LSAMP: variants seen among roughly 807,000 people sequenced by gnomAD.
LSAMP encodes limbic system associated membrane protein, also known as limbic system-associated membrane protein.
Under a neutral mutation model 38.6 loss-of-function variants are expected in LSAMP, and 7 were observed. That is an observed-to-expected ratio of 0.18 (90% CI 0.10 to 0.34). LSAMP has a LOEUF of 0.34. Among genes scored for constraint, LSAMP ranks in the 10% least tolerant of loss-of-function variants. The probability of loss-of-function intolerance (pLI) is 1.00; values close to 1 mark genes in which losing one functional copy is unlikely to be tolerated. For synonymous variants in LSAMP, 154 were observed against 166.8 expected, an observed-to-expected ratio of 0.92 and a Z score of 0.59; for missense variants, 313 against 420.0, an observed-to-expected ratio of 0.75 and a Z score of 2.23.
intron 4 of LSAMP, among the ~76,000 whole-genome samples, chr3:115,851,878 C>T (rs768087096): frequency 7.2e-5 from 11 of 152,230 alleles, no homozygotes; most frequent in East Asian, 1.9e-4. Context: ...TCCTTTCATC[C>T]GAGAAGTTCA....
intron 6 of LSAMP, chr3:115,834,415 C>T (rs1934715727): frequency 1.7e-6 from 1 of 574,806 alleles, no homozygotes; most frequent in Non-Finnish European, 2.9e-6. Flanking sequence ...AACTAATTGG[C>T]TTTTTAAAAA....
intron 2 of LSAMP, among the ~76,000 whole-genome samples, chr3:116,047,847 T>C (rs1379472825): frequency 6.6e-6 from 1 of 152,268 alleles, no homozygotes; most frequent in Non-Finnish European, 1.5e-5. Context: ...TAAATCTAGC[T>C]AATTAAAAAT....
chr3:116,328,080 G>A (rs191671259), intron 1 of LSAMP, among the ~76,000 whole-genome samples: 2 of 152,246 alleles, frequency 1.3e-5, no homozygotes, highest in East Asian at 3.9e-4. Flanking sequence ...GAGCCCCGAA[G>A]TGTTTAGGCC....
At chr3:116,097,740 T>A (rs1032105161) in intron 1 of LSAMP, among the ~76,000 whole-genome samples, 1 of 152,040 alleles carries the variant, frequency 6.6e-6, no homozygotes, top group Non-Finnish European at 1.5e-5. Context: ...GAAGTCTTTT[T>A]TTTTTTTTCT....
chr3:116,075,913 T>A (rs1307684687), intron 2 of LSAMP, among the ~76,000 whole-genome samples: 1 of 152,210 alleles, frequency 6.6e-6, no homozygotes, highest in African/African-American at 2.4e-5. Flanking sequence ...CATTTACTTT[T>A]ATGCTAAGAC....
rs79357967 is a variant in LSAMP at position 116,182,973 on chromosome 3, C to T, written c.156-96417G>A. On this transcript the variant is annotated intron_variant, in intron 1 of 6. Coordinates refer to ENST00000490035, the MANE Select transcript of LSAMP (RefSeq NM_002338.5). ...TGGAGTTGAAGCTTAGGTCTAATTG[C>T]TGGTCTCTGTTTACACCTGCATAAC... Among the ~76,000 whole-genome samples the T allele has an allele frequency of 1.6e-3, 247 of 151,952 alleles. 1 individual carries two copies. The highest frequency in any genetic ancestry group is 5.3e-3 in the African/African-American group (220 of 41,526).
At chr3:116,336,976 A>G (rs2047928131) in intron 1 of LSAMP, among the ~76,000 whole-genome samples, 1 of 151,696 alleles carries the variant, frequency 6.6e-6, no homozygotes, top group Non-Finnish European at 1.5e-5. Context: ...GTGTGTGTGT[A>G]ATGGATATTA....
At chr3:116,369,745 G>A (rs1236060513) in intron 1 of LSAMP, 1 of 152,410 alleles carries the variant, frequency 6.6e-6, no homozygotes, top group African/African-American at 2.4e-5. Context: ...AACCATACAT[G>A]GAGCTAAGTT....
rs183448672 is a variant in LSAMP at position 115,845,642 on chromosome 3, C to T, written c.650-3064G>A. Among the ~76,000 whole-genome samples the T allele has an allele frequency of 4.6e-5, 7 of 152,294 alleles. No homozygotes were observed. The East Asian group carries it at 1.4e-3, about 29-fold the overall frequency. ...TCTGCTTTCATGTGGGCAGGCCCGT[C>T]CCACCCCAGGGTTGCCATGCATGAC... On this transcript the variant is annotated intron_variant, in intron 4 of 6. Coordinates refer to ENST00000490035, the MANE Select transcript of LSAMP (RefSeq NM_002338.5).
At chr3:115,983,088 C>T (rs1026702676) in intron 3 of LSAMP, among the ~76,000 whole-genome samples, 5 of 152,060 alleles carry the variant, frequency 3.3e-5, no homozygotes, top group African/African-American at 1.2e-4. Flanking sequence ...AATATAGCAA[C>T]AATAACAACA....
At chr3:116,075,177 G>A (rs1253495382) in intron 2 of LSAMP, among the ~76,000 whole-genome samples, 1 of 133,086 alleles carries the variant, frequency 7.5e-6, no homozygotes, top group East Asian at 2.2e-4. Context: ...TTGCTCTGTT[G>A]CCCAGGCTGG....
intron 1 of LSAMP, among the ~76,000 whole-genome samples, chr3:116,156,849 G>A (rs1241491443): frequency 2.6e-5 from 4 of 152,130 alleles, no homozygotes; most frequent in South Asian, 2.1e-4. Context: ...AGAAAAATGT[G>A]TCGTGTGAAA....
chr3:115,849,537 A>G (rs1195589968), intron 4 of LSAMP, among the ~76,000 whole-genome samples: 1 of 152,028 alleles, frequency 6.6e-6, no homozygotes, highest in African/African-American at 2.4e-5. Flanking sequence ...CTATTTGGCC[A>G]GTAGTTATCT....
chr3:116,115,401 A>T (rs1708718800), intron 1 of LSAMP, among the ~76,000 whole-genome samples: 1 of 152,182 alleles, frequency 6.6e-6, no homozygotes, highest in Admixed American at 6.5e-5. Context: ...TTGCTCAAGG[A>T]ATTCTAGTCA....
intron 1 of LSAMP, among the ~76,000 whole-genome samples, chr3:116,155,990 T>C (rs1709738738): frequency 6.6e-6 from 1 of 152,124 alleles, no homozygotes; most frequent in Non-Finnish European, 1.5e-5. Flanking sequence ...TTCAGGAACA[T>C]GTGGCAGGGC....
In LSAMP at chr3:116,103,464, C is replaced by CAA. The variant is rs59732794; in HGVS notation, c.156-16910_156-16909dup. 3.4e-3 allele frequency among the ~76,000 whole-genome samples: 144 copies of CAA among 42,388 alleles called. 1 individual carries two copies. The highest frequency in any genetic ancestry group is 5.1e-3 in the African/African-American group (72 of 14,008). The allele number at this position is 42,388 out of a possible 152,430, so 27.8% of individuals were successfully genotyped here. On this transcript the variant is annotated intron_variant, in intron 1 of 6. Transcript: ENST00000490035. Reference sequence around the variant, plus strand: ...TGGGTGACAGAGTGAGACTCCTTCTCAAAAAAAAAAAAAAAAAAAAAAAAG... The same window carrying CAA: ...TGGGTGACAGAGTGAGACTCCTTCTCAAAAAAAAAAAAAAAAAAAAAAAAAAG...
intron 1 of LSAMP, among the ~76,000 whole-genome samples, chr3:116,197,000 G>T (rs904798510): frequency 8.6e-5 from 13 of 151,996 alleles, no homozygotes; most frequent in African/African-American, 2.7e-4. Flanking sequence ...CTCCCAAAAG[G>T]TCCATTAAAT....
At position 115,857,270 on chromosome 3, in the gene LSAMP, C is replaced by G. The variant is rs369003406; in HGVS notation, c.515-4653G>C. On this transcript the variant is annotated intron_variant, in intron 3 of 6. Transcript: ENST00000490035. The stretch of plus-strand genomic sequence containing the variant: ...TAAAATGCACTCAGATTCTCCTGTT[C>G]CTTTCTTTCCCTTTGCCCCCACGAG... Among the ~76,000 whole-genome samples the G allele has an allele frequency of 2.6e-5, 4 of 152,302 alleles. No homozygotes were observed. The South Asian group carries it at 6.2e-4, about 24-fold the overall frequency.
At chr3:116,372,994 T>C (rs1020236198) in intron 1 of LSAMP, among the ~76,000 whole-genome samples, 1 of 151,570 alleles carries the variant, frequency 6.6e-6, no homozygotes, top group Admixed American at 6.6e-5. Context: ...CCATTTTACA[T>C]TCTTACCACC....
Sources: allele counts gnomAD v4.1 joint callset (sites outside exome capture counted in the v4.1 genomes callset), GRCh38; gene constraint gnomAD v4.1.1; transcripts MANE v1.5; gene names NCBI Gene and HGNC (gene_info 2026-07-23, HGNC 2026-07-21).